Variants in PPP1CA observed in about 807,000 individuals in gnomAD.
PPP1CA encodes the protein protein phosphatase 1 catalytic subunit alpha, also known as serine/threonine-protein phosphatase PP1-alpha catalytic subunit.
PPP1CA carries 14 observed loss-of-function variants against 38.5 expected under a neutral mutation model. The observed-to-expected ratio is 0.36, with a 90% CI of 0.24 to 0.57. The LOEUF (loss-of-function observed/expected upper bound fraction) is 0.57. Among genes scored for constraint, PPP1CA ranks in the 20% least tolerant of loss-of-function variants. The pLI is 0.80. For missense variants in PPP1CA, 277 were observed against 435.2 expected, an observed-to-expected ratio of 0.64 and a Z score of 3.23; for synonymous variants, 200 against 177.3, an observed-to-expected ratio of 1.13 and a Z score of -1.02.
intron 2 of PPP1CA, 46 bp from the exon 3 acceptor site, chr11:67,400,965 G>A (rs767049504): frequency 1.2e-6 from 2 of 1,610,048 alleles, no homozygotes; most frequent in South Asian, 1.1e-5. Flanking sequence ...GTCTAGACCT[G>A]AACCCAGGGC....
rs868481531 is a variant in PPP1CA at position 67,401,284 on chromosome 11, G to A, written c.56-85C>T. ...GGTGGCCCCATGGATACCTCCGGGGGCGCCTAGGCCTCCTCGGCCCCTCCT... is the reference window on the plus strand; with the variant it reads ...GGTGGCCCCATGGATACCTCCGGGGACGCCTAGGCCTCCTCGGCCCCTCCT... On this transcript the variant is annotated intron_variant, in intron 1 of 6. Coordinates refer to ENST00000376745, the MANE Select transcript of PPP1CA (RefSeq NM_002708.4). 5.7e-6 allele frequency: 9 copies of A among 1,592,840 alleles called. No homozygotes were observed. The Middle Eastern group carries it at 8.6e-4, about 152-fold the overall frequency.
At chr11:67,401,528 G>A in intron 1 of PPP1CA, 200 bp downstream of exon 1, 1 of 562,712 alleles carries the variant, frequency 1.8e-6, no homozygotes, top group Admixed American at 3.5e-5. Flanking sequence ...CAGCCCGGGA[G>A]AGGGGGGGAG....
At chr11:67,401,562 C>G (rs538627571) in intron 1 of PPP1CA, 166 bp downstream of exon 1, 2 of 611,302 alleles carry the variant, frequency 3.3e-6, no homozygotes, top group Non-Finnish European at 5.0e-6. Context: ...CGGAGCTGGC[C>G]CCGGACCTCT....
chr11:67,401,373 GCCCCCA>G, intron 1 of PPP1CA, 174 bp from the exon 2 acceptor site: 1 of 1,121,492 alleles, frequency 8.9e-7, no homozygotes, highest in Non-Finnish European at 1.2e-6. Context: ...CCCAGGGGAA[GCCCCCA>G]GCTACCCTCA....
intron 3 of PPP1CA, 33 bp from the exon 4 acceptor site, chr11:67,399,698 C>A: frequency 1.3e-6 from 2 of 1,550,960 alleles, no homozygotes; most frequent in Non-Finnish European, 1.8e-6. Flanking sequence ...GAGGTGCCTG[C>A]CTACCCCACC....
rs777621193 is a variant in PPP1CA, at chr11:67,398,650, A to G, written c.883-5T>C. ...CTTGTCGGCGGGCTTGAGGATCTAA[A>G]AGAGACAGTGTTGGTCAGGCTCATG... is the stretch of plus-strand genomic sequence containing the variant. On this transcript the variant is annotated splice_polypyrimidine_tract_variant and splice_region_variant and intron_variant, in intron 6 of 6. Coordinates refer to ENST00000376745, the MANE Select transcript of PPP1CA (RefSeq NM_002708.4). 1 of 1,613,848 alleles carries G rather than the reference A, an allele frequency of 6.2e-7. No individual in the cohort carries two copies. Among genetic ancestry groups the G allele is most frequent in the Middle Eastern group, 1.6e-4 (1 of 6,084 alleles).
chr11:67,401,763 A>T lies in PPP1CA; in HGVS notation c.20T>A (p.Leu7His). MSDSEK[L>H]NLDSIIGRLL... ...GCGCCCGATGATCGAGTCCAGGTTG[A>T]GCTTCTCGCTGTCGGACATGGCGGC... Residue 7 changes from leucine to histidine, a missense_variant, in exon 1 of 7, where the codon CTC (leucine) becomes CAC (histidine). Physicochemically the swap from Leu to His is moderately conservative, Grantham distance 99 (BLOSUM62 -3). Around this residue, in one of 3 missense-constraint regions of PPP1CA, gnomAD observed 44 missense variants for 27.4 expected, o/e 1.60. Transcript: ENST00000376745. 6.8e-7 allele frequency: 1 copy of T among 1,475,620 alleles called. No individual in the cohort carries two copies. The highest frequency in any genetic ancestry group is 2.9e-5 in the East Asian group (1 of 34,776). 91.4% of individuals were successfully genotyped at this position (1,475,620 alleles called of 1,614,324 possible).
Position 67,398,614 on chromosome 11 carries a change from T to C in PPP1CA, c.914A>G (p.Lys305Arg). 1 of 1,614,136 alleles carries C rather than the reference T, an allele frequency of 6.2e-7. No individual in the cohort carries two copies. The highest frequency in any genetic ancestry group is 1.6e-4 in the Middle Eastern group (1 of 6,062). Residue 305 changes from lysine to arginine, a missense_variant, in exon 7 of 7, where the codon AAG becomes AGG. By Grantham distance (26) the Lys-to-Arg change is conservative (BLOSUM62 2). Transcript: ENST00000376745. ...GTTCAGGCCACTGAACTGCCCGTAC[T>C]TCCCCTTGTTCTTGTCGGCGGGCTT... ...ILKPADKNKG[K>R]YGQFSGLNPG...
chr11:67,400,579 C>T (rs1565121970), intron 3 of PPP1CA, 110 bp downstream of exon 3: 6 of 1,096,620 alleles, frequency 5.5e-6, no homozygotes, highest in East Asian at 2.4e-5. Flanking sequence ...CTTCGTGGAG[C>T]GCACAGTCTA....
Position 67,398,707 on chromosome 11 carries a change from C to T in PPP1CA, c.882+15G>A, listed in dbSNP as rs780024688. The T allele has an allele frequency of 1.2e-5, 19 of 1,613,052 alleles. No homozygotes were observed. Among genetic ancestry groups the T allele is most frequent in the African/African-American group, 4.0e-5 (3 of 74,906 alleles). On this transcript the variant is annotated intron_variant, in intron 6 of 6. Coordinates refer to ENST00000376745, the MANE Select transcript of PPP1CA (RefSeq NM_002708.4). ...AGCCACAGGGCCTAGCGGCTCCTTT[C>T]TTCCCCACACTCACCTGGAAAGAGC...
At position 67,400,541 on chromosome 11, in the gene PPP1CA, C is replaced by G. The variant is rs1376115909; in HGVS notation, c.418+148G>C. ...AGACCCCATGCCAGGAGGGGCAGGG[C>G]AGGCACGAGAACGGACCTGGGCCCC... is the stretch of plus-strand genomic sequence containing the variant. On this transcript the variant is annotated intron_variant, in intron 3 of 6. Coordinates refer to ENST00000376745, the MANE Select transcript of PPP1CA (RefSeq NM_002708.4). The G allele has an allele frequency of 3.9e-6, 3 of 760,830 alleles. No homozygotes were observed. In the Admixed American group the frequency reaches 6.7e-5, roughly 17 times the overall value. The allele number at this position is 760,830 out of a possible 1,614,324, so 47.1% of individuals were successfully genotyped here.
intron 3 of PPP1CA, among the ~76,000 whole-genome samples, chr11:67,400,284 C>T (rs771588039): frequency 5.3e-5 from 8 of 152,222 alleles, no homozygotes; most frequent in Non-Finnish European, 7.3e-5. Context: ...GCACCCGAGT[C>T]CACTGGAAAC....
intron 3 of PPP1CA, 100 bp from the exon 4 acceptor site, chr11:67,399,765 G>T (rs556754300): frequency 1.1e-6 from 1 of 879,136 alleles, no homozygotes; most frequent in Middle Eastern, 2.2e-4. Context: ...GTCAGGCACC[G>T]ATGCAAACCA....
rs760746548 is a variant in PPP1CA at position 67,401,441 on chromosome 11, C to G, written c.56-242G>C. ...CAGGGGGCTGCCACCAAAAACCTCACAGCGCAGGACCCCTTCCTGGACCGG... is the reference window on the plus strand; with the variant it reads ...CAGGGGGCTGCCACCAAAAACCTCAGAGCGCAGGACCCCTTCCTGGACCGG... On this transcript the variant is annotated intron_variant, in intron 1 of 6. Coordinates refer to ENST00000376745, the MANE Select transcript of PPP1CA (RefSeq NM_002708.4). 9.0e-6 allele frequency: 6 copies of G among 668,524 alleles called. No homozygotes were observed. In the East Asian group the frequency reaches 1.7e-4, roughly 19 times the overall value. 41.4% of individuals were successfully genotyped at this position (668,524 alleles called of 1,614,324 possible). A position where few individuals can be genotyped will look rare whatever the true frequency, so the allele number is the denominator to read the frequency against.
Position 67,398,260 on chromosome 11 carries a change from A to G in PPP1CA, c.*275T>C. ...CCGGCTGCCAGCCCTGAGGCCAAGC[A>G]CGGCTGGAGACCCACGACCTGGCCT... On this transcript the variant is annotated 3_prime_UTR_variant, in exon 7 of 7. Transcript: ENST00000376745. The G allele has an allele frequency of 2.1e-6, 1 of 481,190 alleles. No homozygotes were observed. The highest frequency in any genetic ancestry group is 3.7e-6 in the Non-Finnish European group (1 of 269,794). The allele number at this position is 481,190 out of a possible 1,614,324, so 29.8% of individuals were successfully genotyped here. A position where few individuals can be genotyped will look rare whatever the true frequency, so the allele number is the denominator to read the frequency against.
At chr11:67,398,913 T>C (rs2134979595) in intron 5 of PPP1CA, 27 bp downstream of exon 5, 1 of 1,612,300 alleles carries the variant, frequency 6.2e-7, no homozygotes. Flanking sequence ...CCCCTTCCCC[T>C]GCCGCAGGCC....
intron 1 of PPP1CA, 24 bp downstream of exon 1, chr11:67,401,704 C>A (rs1355033662): frequency 2.1e-6 from 3 of 1,408,070 alleles, no homozygotes; most frequent in Non-Finnish European, 9.3e-7. Flanking sequence ...GCGGCGGACG[C>A]GGGCCTCCCC....
chr11:67,398,648 A>G lies in PPP1CA; in HGVS notation c.883-3T>C. 1 of 1,614,004 alleles carries G rather than the reference A, an allele frequency of 6.2e-7. No homozygotes were observed. Among genetic ancestry groups the G allele is most frequent in the Non-Finnish European group, 8.5e-7 (1 of 1,179,956 alleles). On this transcript the variant is annotated splice_polypyrimidine_tract_variant and splice_region_variant and intron_variant, in intron 6 of 6. Transcript: ENST00000376745. ...TTCTTGTCGGCGGGCTTGAGGATCT[A>G]AAAGAGACAGTGTTGGTCAGGCTCA... is the stretch of plus-strand genomic sequence containing the variant.
Position 67,401,762 on chromosome 11 carries a change from G to C in PPP1CA, c.21C>G (p.Leu7=). Residue 7 remains leucine (L), a synonymous_variant, in exon 1 of 7, where the codon CTC becomes CTG. Coordinates refer to ENST00000376745, the MANE Select transcript of PPP1CA (RefSeq NM_002708.4). The part of the protein sequence containing the change: MSDSEK[L]NLDSIIGRLL... ...GGCGCCCGATGATCGAGTCCAGGTT[G>C]AGCTTCTCGCTGTCGGACATGGCGG... The C allele has an allele frequency of 6.8e-7, 1 of 1,477,808 alleles. No homozygotes were observed. The highest frequency in any genetic ancestry group is 9.0e-7 in the Non-Finnish European group (1 of 1,105,094). The allele number at this position is 1,477,808 out of a possible 1,614,324, so 91.5% of individuals were successfully genotyped here.
Sources: gnomAD v4.1 joint callset for allele counts (sites outside exome capture counted in the v4.1 genomes callset) on GRCh38, gnomAD v4.1.1 for gene constraint, gnomAD v4.1.1 regional missense constraint, MANE v1.5 for transcripts, NCBI Gene and HGNC (gene_info 2026-07-23, HGNC 2026-07-21) for gene names.